The following ROBO1 variants were observed in gnomAD, a reference collection of about 807,000 sequenced individuals.
The protein encoded by ROBO1 is roundabout homolog 1.
A neutral mutation model predicts 195.9 loss-of-function variants in ROBO1; 149 were observed. The ratio of observed to expected loss-of-function variants is 0.76; its 90% CI spans 0.67 to 0.87. ROBO1 has a LOEUF of 0.87. ROBO1 is among the 40% of genes least tolerant of loss of function. The pLI, the probability that ROBO1 is intolerant of heterozygous loss-of-function variation, is 0.00. For missense variants in ROBO1, 1,933 were observed against 2,068.3 expected (o/e 0.93, Z 1.27); for synonymous variants, 816 against 733.2 (o/e 1.11, Z -1.82).
chr3:79,214,815 T>A (rs1161996996), intron 2 of ROBO1, among the ~76,000 whole-genome samples: 1 of 137,568 alleles, frequency 7.3e-6, no homozygotes, highest in African/African-American at 3.1e-5. Context: ...ACTGCAAATA[T>A]ATATATATAT....
intron 1 of ROBO1, among the ~76,000 whole-genome samples, chr3:79,683,127 T>G (rs1021930625): frequency 7.2e-5 from 11 of 152,028 alleles, no homozygotes; most frequent in African/African-American, 2.7e-4. Context: ...TTTTTCTATC[T>G]TTGGTAAACC....
intron 2 of ROBO1, among the ~76,000 whole-genome samples, chr3:79,233,216 C>G (rs1013900834): frequency 2.0e-5 from 3 of 151,720 alleles, no homozygotes; most frequent in African/African-American, 7.3e-5. Context: ...TTAAAATGTG[C>G]AAGAAAAAGC....
At chr3:78,666,031 C>A (rs548830723) in intron 14 of ROBO1, among the ~76,000 whole-genome samples, 6 of 152,132 alleles carry the variant, frequency 3.9e-5, no homozygotes, top group African/African-American at 1.4e-4. Flanking sequence ...TTACCCCGTG[C>A]TGCTGTTCTC....
intron 1 of ROBO1, among the ~76,000 whole-genome samples, chr3:79,745,040 G>C (rs1017755929): frequency 2.6e-5 from 4 of 152,028 alleles, no homozygotes; most frequent in African/African-American, 9.7e-5. Flanking sequence ...CAGCCAGAAG[G>C]GTGCTAGTTA....
intron 1 of ROBO1, among the ~76,000 whole-genome samples, chr3:79,728,864 T>G (rs564912618): frequency 6.6e-6 from 1 of 152,136 alleles, no homozygotes; most frequent in Non-Finnish European, 1.5e-5. Flanking sequence ...TTTGGCATGA[T>G]TACCTTTTTT....
In ROBO1 at chr3:79,225,867, C is replaced by G. The variant is rs185899482; in HGVS notation, c.89-100328G>C. On this transcript the variant is annotated intron_variant, in intron 2 of 30. Transcript: ENST00000464233. ...AGACATCCTGGGACCATTAATTACT[C>G]TCCCCATCCAGGATACCATGGTCTT... Among the ~76,000 whole-genome samples the G allele has an allele frequency of 1.3e-4, 20 of 152,254 alleles. 1 individual carries two copies. In the East Asian group the frequency reaches 3.9e-3, roughly 29 times the overall value.
chr3:79,105,435 T>A (rs1000039460), intron 3 of ROBO1, among the ~76,000 whole-genome samples: 1 of 151,644 alleles, frequency 6.6e-6, no homozygotes, highest in Non-Finnish European at 1.5e-5. Context: ...AGTCTGACAG[T>A]CTGATGAACT....
At chr3:79,622,697 C>G (rs112962188) in intron 1 of ROBO1, among the ~76,000 whole-genome samples, 4 of 152,320 alleles carry the variant, frequency 2.6e-5, no homozygotes, top group African/African-American at 9.6e-5. Flanking sequence ...TGGGCTTGAG[C>G]CCCTAGTGGG....
At chr3:79,469,860 C>T (rs543832388) in intron 2 of ROBO1, among the ~76,000 whole-genome samples, 1 of 152,156 alleles carries the variant, frequency 6.6e-6, no homozygotes, top group Admixed American at 6.5e-5. Flanking sequence ...AAAAAAGTGT[C>T]AGTACCAGGA....
intron 22 of ROBO1, among the ~76,000 whole-genome samples, chr3:78,636,558 T>C (rs959617701): frequency 5.9e-5 from 9 of 151,988 alleles, no homozygotes; most frequent in Non-Finnish European, 1.0e-4. Flanking sequence ...GAAAAAACTA[T>C]TCATAGATCA....
At chr3:78,702,582 C>G (rs77723681) in intron 8 of ROBO1, among the ~76,000 whole-genome samples, 1 of 152,126 alleles carries the variant, frequency 6.6e-6, no homozygotes, top group African/African-American at 2.4e-5. Context: ...AATGTGCTAT[C>G]TCTCAATGAT....
At chr3:79,735,570 T>C (rs1483881665) in intron 1 of ROBO1, among the ~76,000 whole-genome samples, 5 of 152,086 alleles carry the variant, frequency 3.3e-5, no homozygotes, top group Non-Finnish European at 7.4e-5. Context: ...TCAAAATTTT[T>C]GCAAAAAGGT....
At chr3:79,352,461 C>A (rs1037809860) in intron 2 of ROBO1, among the ~76,000 whole-genome samples, 2 of 152,104 alleles carry the variant, frequency 1.3e-5, no homozygotes, top group African/African-American at 4.8e-5. Flanking sequence ...GGCTTAACAC[C>A]GTCAACTAGA....
At chr3:79,725,742 T>C (rs1478344086) in intron 1 of ROBO1, among the ~76,000 whole-genome samples, 1 of 152,158 alleles carries the variant, frequency 6.6e-6, no homozygotes, top group Non-Finnish European at 1.5e-5. Flanking sequence ...ATGTCTTCTG[T>C]AATCTGCAGC....
intron 3 of ROBO1, among the ~76,000 whole-genome samples, chr3:78,956,172 G>C (rs1207301218): frequency 1.3e-5 from 2 of 152,036 alleles, no homozygotes; most frequent in African/African-American, 4.8e-5. Context: ...ATATTTAAAT[G>C]AGTAATTAGT....
intron 4 of ROBO1, among the ~76,000 whole-genome samples, chr3:78,775,372 C>T (rs554327107): frequency 3.9e-5 from 6 of 152,124 alleles, no homozygotes; most frequent in Non-Finnish European, 8.8e-5. Context: ...ACACTCATTC[C>T]TATTTATATA....
At chr3:79,116,458 C>T in intron 3 of ROBO1, among the ~76,000 whole-genome samples, 1 of 141,336 alleles carries the variant, frequency 7.1e-6, no homozygotes, top group African/African-American at 2.6e-5. Context: ...CTTTCCCTTT[C>T]TTTCTTTGTT....
chr3:78,918,350 G>C (rs2038749816), intron 4 of ROBO1, among the ~76,000 whole-genome samples: 2 of 152,178 alleles, frequency 1.3e-5, no homozygotes, highest in South Asian at 4.2e-4. Context: ...AAAACACCCA[G>C]AGTGCTCACA....
intron 3 of ROBO1, among the ~76,000 whole-genome samples, chr3:79,024,629 A>G (rs2078168206): frequency 6.6e-6 from 1 of 152,200 alleles, no homozygotes; most frequent in South Asian, 2.1e-4. Flanking sequence ...GATTCCCCAA[A>G]GCTTTTAATA....
Sources: gnomAD v4.1 joint callset for allele counts (sites outside exome capture counted in the v4.1 genomes callset) on GRCh38, gnomAD v4.1.1 for gene constraint, MANE v1.5 for transcripts, NCBI Gene and HGNC (gene_info 2026-07-23, HGNC 2026-07-21) for gene names.